Variants in RFXANK observed in about 807,000 individuals in gnomAD.
RFXANK encodes DNA-binding protein RFXANK.
A neutral mutation model predicts 34.5 loss-of-function variants in RFXANK; 19 were observed. The ratio of observed to expected loss-of-function variants is 0.55; its 90% CI spans 0.38 to 0.81. The LOEUF (loss-of-function observed/expected upper bound fraction) is 0.81, where lower values mean the gene tolerates loss of function less well. RFXANK is among the 30% of genes least tolerant of loss of function. The pLI, the probability that RFXANK is intolerant of heterozygous loss-of-function variation, is 0.00. For synonymous variants in RFXANK, 154 were observed against 149.8 expected, an observed-to-expected ratio of 1.03 and a Z score of -0.20; for missense variants, 295 against 343.5, an observed-to-expected ratio of 0.86 and a Z score of 1.12.
rs768433483 is a variant in RFXANK at position 19,201,677 on chromosome 19, C to G, written c.741C>G (p.Leu247=). The change falls in exon 10 of 10, where the codon CTC becomes CTG. Residue 247 remains leucine (L), a synonymous_variant. Coordinates refer to ENST00000303088, the MANE Select transcript of RFXANK (RefSeq NM_003721.4). ...AACAGGTGATCGAGAACCACATCCT[C>G]AAGCTCTTCCAGAGCAACCTGGTGC... ...KVQQVIENHI[L]KLFQSNLVPA... 6 of 1,614,054 alleles carry G rather than the reference C, an allele frequency of 3.7e-6. No homozygotes were observed. In the African/African-American group the frequency reaches 6.7e-5, roughly 18 times the overall value.
intron 2 of RFXANK, 133 bp from the exon 3 acceptor site, chr19:19,193,806 C>T: frequency 3.0e-6 from 3 of 1,009,084 alleles, no homozygotes; most frequent in Non-Finnish European, 3.1e-6. Context: ...TTTTCATTTC[C>T]CTGGCTCTGG....
Position 19,193,923 on chromosome 19 carries a change from C to G in RFXANK, c.-8-16C>G. The stretch of plus-strand genomic sequence containing the variant: ...GATAATTATTGTCATCTCTCCCCTT[C>G]TGACACCTCCGCCAGCTTTCCCCAT... On this transcript the variant is annotated splice_polypyrimidine_tract_variant and intron_variant, in intron 2 of 9. Transcript: ENST00000303088. The G allele has an allele frequency of 6.2e-7, 1 of 1,613,836 alleles. No homozygotes were observed. Among genetic ancestry groups the G allele is most frequent in the East Asian group, 2.2e-5 (1 of 44,888 alleles).
chr19:19,193,703 T>C (rs1173691969), intron 2 of RFXANK, among the ~76,000 whole-genome samples: 5 of 152,124 alleles, frequency 3.3e-5, no homozygotes, highest in Admixed American at 1.3e-4. Context: ...CGTGAGCCAC[T>C]GTGCCCTGCC....
In RFXANK at chr19:19,194,078, C is replaced by T. The variant is rs745351660; in HGVS notation, c.132C>T (p.Pro44=). Residue 44 remains proline, a synonymous_variant, in exon 3 of 10, where the codon CCC becomes CCT. Coordinates refer to ENST00000303088, the MANE Select transcript of RFXANK (RefSeq NM_003721.4). ...ACACTGTGGTCCTCAGTCTCTTTCC[C>T]TGCACCCCTGAGCCTGTGAATCCTG... ...GSDTVVLSLF[P]CTPEPVNPEP... 82 of 1,614,102 alleles carry T rather than the reference C, an allele frequency of 5.1e-5. No homozygotes were observed. In the South Asian group the frequency reaches 8.5e-4, roughly 17 times the overall value.
Position 19,197,061 on chromosome 19 carries a change from G to A in RFXANK, c.271+15G>A, listed in dbSNP as rs1025784003. 1.7e-5 allele frequency: 28 copies of A among 1,613,234 alleles called. No homozygotes were observed. The highest frequency in any genetic ancestry group is 1.9e-5 in the Non-Finnish European group (22 of 1,179,854). On this transcript the variant is annotated intron_variant, in intron 4 of 9. Transcript: ENST00000303088. ...CACCCTAGACTGTGAGTGGGCCCAC[G>A]GTCCCCAACAAGGAGAGGAGTAGGA...
intron 9 of RFXANK, among the ~76,000 whole-genome samples, chr19:19,200,636 T>G (rs2060692507): frequency 6.6e-6 from 1 of 151,628 alleles, no homozygotes; most frequent in Admixed American, 6.6e-5. Flanking sequence ...TTTTTATTTA[T>G]TTTTTGAGAC....
At chr19:19,195,572 G>A (rs1467236434) in intron 3 of RFXANK, among the ~76,000 whole-genome samples, 1 of 151,588 alleles carries the variant, frequency 6.6e-6, no homozygotes, top group African/African-American at 2.4e-5. Flanking sequence ...CCAAAGTGCT[G>A]GGATTACAGG....
At position 19,198,026 on chromosome 19, in the gene RFXANK, A is replaced by T. The variant is rs1599783567; in HGVS notation, c.439-81A>T. ...GACTCTATCTCCAAAAAAAAAAAAA[A>T]AGATGCGGCTGCTGTGGGTACCCCA... is the stretch of plus-strand genomic sequence containing the variant. On this transcript the variant is annotated intron_variant, in intron 6 of 9. Transcript: ENST00000303088. 12 of 1,550,732 alleles carry T rather than the reference A, an allele frequency of 7.7e-6. No homozygotes were observed. The East Asian group carries it at 2.5e-4, about 32-fold the overall frequency.
In RFXANK at chr19:19,198,094, C is replaced by T. The variant is rs181297102; in HGVS notation, c.439-13C>T. ...CCAATCCATCCTACCACTGTCCCTTCTTCTCCCTGCAGGGTGCCGACCCCC... is the reference window on the plus strand; with the variant it reads ...CCAATCCATCCTACCACTGTCCCTTTTTCTCCCTGCAGGGTGCCGACCCCC... On this transcript the variant is annotated splice_polypyrimidine_tract_variant and intron_variant, in intron 6 of 9. Transcript: ENST00000303088. The T allele has an allele frequency of 5.1e-3, 8,278 of 1,613,566 alleles. 30 individuals are homozygous for T. Among genetic ancestry groups the T allele is most frequent in the Non-Finnish European group, 6.2e-3 (7,373 of 1,179,816 alleles).
Position 19,192,536 on chromosome 19 carries a change from G to A in RFXANK, c.-168G>A. ...TTGAGACCGCAGAAGGGACCTTGTT[G>A]TGGAACGGGACGGCCAAGGTACGCT... On this transcript the variant is annotated 5_prime_UTR_variant, in exon 1 of 10. It adds an upstream start codon to the 5' untranslated region. Transcript: ENST00000303088. 5.2e-6 allele frequency: 1 copy of A among 194,120 alleles called. No individual in the cohort carries two copies. The highest frequency in any genetic ancestry group is 1.1e-5 in the Non-Finnish European group (1 of 93,314). 12.0% of individuals were successfully genotyped at this position (194,120 alleles called of 1,614,324 possible).
Position 19,197,618 on chromosome 19 carries a change from G to T in RFXANK, c.435G>T (p.Glu145Asp). ...TTGAGACCGTTCGCTTCCTGCTGGA[G>T]TGGGTGCGTCCCAGCCCAGCTGGGC... ...GEIETVRFLL[E>D]WGADPHILAK... Residue 145 changes from glutamate (E) to aspartate (D), a missense_variant, in exon 6 of 10, where the codon GAG (glutamate) becomes GAT (aspartate). Glu to Asp is a conservative substitution (Grantham distance 45). Coordinates refer to ENST00000303088, the MANE Select transcript of RFXANK (RefSeq NM_003721.4). 6.2e-7 allele frequency: 1 copy of T among 1,613,556 alleles called. No homozygotes were observed. Among genetic ancestry groups the T allele is most frequent in the Non-Finnish European group, 8.5e-7 (1 of 1,179,888 alleles).
chr19:19,199,756 C>T (rs1009094302), intron 9 of RFXANK, among the ~76,000 whole-genome samples: 11 of 152,150 alleles, frequency 7.2e-5, no homozygotes, highest in African/African-American at 2.7e-4. Context: ...GGCCATCCCT[C>T]TCCGTGGCGG....
At chr19:19,195,824 C>T (rs907991691) in intron 3 of RFXANK, among the ~76,000 whole-genome samples, 1 of 148,356 alleles carries the variant, frequency 6.7e-6, no homozygotes, top group Admixed American at 6.8e-5. Context: ...CTCACTGCAA[C>T]CTCCACCTCC....
chr19:19,199,093 C>T, intron 8 of RFXANK, 61 bp from the exon 9 acceptor site: 1 of 1,498,030 alleles, frequency 6.7e-7, no homozygotes. Flanking sequence ...CTCCCAGGTC[C>T]CCAGACCCCA....
At chr19:19,200,468 G>A (rs1049237417) in intron 9 of RFXANK, among the ~76,000 whole-genome samples, 4 of 151,436 alleles carry the variant, frequency 2.6e-5, no homozygotes, top group Admixed American at 6.6e-5. Flanking sequence ...GAGCCACCAC[G>A]CCTGGCTGTG....
intron 2 of RFXANK, among the ~76,000 whole-genome samples, chr19:19,193,581 A>G (rs913921200): frequency 4.9e-4 from 74 of 151,800 alleles, no homozygotes; most frequent in African/African-American, 1.8e-3. Context: ...GCGCTTGGCT[A>G]ATTTTTGTAT....
chr19:19,199,726 A>G (rs1050865750), intron 9 of RFXANK, among the ~76,000 whole-genome samples: 19 of 152,172 alleles, frequency 1.2e-4, no homozygotes, highest in Admixed American at 1.2e-3. Flanking sequence ...CGACCAGGCC[A>G]TAGTGCACAG....
In RFXANK at chr19:19,201,475, T is replaced by C. The variant is rs187406875; in HGVS notation, c.713-174T>C. 4.0e-4 allele frequency: 636 copies of C among 1,578,670 alleles called. 1 individual carries two copies. Among genetic ancestry groups the C allele is most frequent in the Non-Finnish European group, 4.9e-4 (568 of 1,170,244 alleles). ...CTACAAAAGTGCATTTTTACAAACT[T>C]AGGGGAAGTTGAGGTTCCTGGGGTG... On this transcript the variant is annotated intron_variant, in intron 9 of 9. Coordinates refer to ENST00000303088, the MANE Select transcript of RFXANK (RefSeq NM_003721.4).
At chr19:19,197,393 G>T in intron 5 of RFXANK, 128 bp from the exon 6 acceptor site, 1 of 1,207,350 alleles carries the variant, frequency 8.3e-7, no homozygotes. Flanking sequence ...GTTCATGTAT[G>T]TCCATCAACA....
Sources: allele counts gnomAD v4.1 joint callset (sites outside exome capture counted in the v4.1 genomes callset), GRCh38; gene constraint gnomAD v4.1.1; transcripts MANE v1.5; gene names NCBI Gene and HGNC (gene_info 2026-07-23, HGNC 2026-07-21).